Variants in CAMK2D observed in about 807,000 individuals in gnomAD.
CAMK2D encodes calcium/calmodulin-dependent protein kinase type II subunit delta.
Under a neutral mutation model 84.0 loss-of-function variants are expected in CAMK2D, and 37 were observed. The ratio of observed to expected loss-of-function variants is 0.44; its 90% CI spans 0.34 to 0.58. The LOEUF is 0.58. Ranked by LOEUF, CAMK2D falls within the 20% of genes least tolerant of loss-of-function variation. CAMK2D has a pLI of 0.02. For missense variants in CAMK2D, 448 were observed against 652.5 expected (o/e 0.69, Z 3.41); for synonymous variants, 202 against 212.5 (o/e 0.95, Z 0.43).
chr4:113,568,400 T>C (rs1356997268), intron 4 of CAMK2D, among the ~76,000 whole-genome samples: 1 of 152,222 alleles, frequency 6.6e-6, no homozygotes, highest in African/African-American at 2.4e-5. Flanking sequence ...GTGGCATGTG[T>C]CAGAATTTCA....
At chr4:113,563,820 C>T (rs1166438477) in intron 4 of CAMK2D, among the ~76,000 whole-genome samples, 5 of 152,138 alleles carry the variant, frequency 3.3e-5, no homozygotes, top group South Asian at 2.1e-4. Flanking sequence ...TAAACAACTT[C>T]GGCACAGTAT....
chr4:113,477,364 C>T, intron 16 of CAMK2D, among the ~76,000 whole-genome samples: 1 of 152,192 alleles, frequency 6.6e-6, no homozygotes, highest in East Asian at 1.9e-4. Context: ...GGATACCTCA[C>T]ATTGGTACTG....
intron 16 of CAMK2D, among the ~76,000 whole-genome samples, chr4:113,482,739 TTCTAA>T (rs1447942050): frequency 2.6e-5 from 4 of 152,230 alleles, no homozygotes; most frequent in Non-Finnish European, 4.4e-5. Context: ...TTAAATTTTG[TTCTAA>T]TCTAAAGAGA....
At chr4:113,537,471 C>A in intron 6 of CAMK2D, 28 bp from the exon 7 acceptor site, 3 of 1,342,406 alleles carry the variant, frequency 2.2e-6, no homozygotes, top group Non-Finnish European at 3.2e-6. Context: ...AAAAAAGAGA[C>A]TGAAGTGAGA....
intron 3 of CAMK2D, among the ~76,000 whole-genome samples, chr4:113,618,114 A>G (rs2099029443): frequency 6.6e-6 from 1 of 152,180 alleles, no homozygotes; most frequent in South Asian, 2.1e-4. Context: ...AATATGGCTA[A>G]TAAATAGTAT....
intron 2 of CAMK2D, among the ~76,000 whole-genome samples, chr4:113,702,377 T>C (rs2099422335): frequency 6.6e-6 from 1 of 152,144 alleles, no homozygotes; most frequent in African/African-American, 2.4e-5. Context: ...AATGTAAAAG[T>C]CATTCTTAGC....
In CAMK2D at chr4:113,562,696, G is replaced by T. The variant is rs190929093; in HGVS notation, c.276-10600C>A. ...ACAGTTCAGTAAGACAAATGTGCTTGATTTTAATAATCAATTGTTCATTGA... is the reference window on the plus strand; with the variant it reads ...ACAGTTCAGTAAGACAAATGTGCTTTATTTTAATAATCAATTGTTCATTGA... On this transcript the variant is annotated intron_variant, in intron 4 of 20. Coordinates refer to ENST00000511664, the MANE Select transcript of CAMK2D (RefSeq NM_001321571.2). Among the ~76,000 whole-genome samples, 449 of 152,280 alleles carry T rather than the reference G, an allele frequency of 2.9e-3. 1 individual carries two copies. The highest frequency in any genetic ancestry group is 5.3e-3 in the Non-Finnish European group (360 of 67,996).
At chr4:113,487,348 A>G (rs2097775250) in intron 16 of CAMK2D, among the ~76,000 whole-genome samples, 1 of 152,154 alleles carries the variant, frequency 6.6e-6, no homozygotes, top group Non-Finnish European at 1.5e-5. Context: ...GAATCATGAT[A>G]TAGACATATA....
At chr4:113,498,306 C>T (rs746059812) in intron 16 of CAMK2D, among the ~76,000 whole-genome samples, 1 of 152,176 alleles carries the variant, frequency 6.6e-6, no homozygotes, top group Non-Finnish European at 1.5e-5. Flanking sequence ...ACCATTTTAT[C>T]TACCACTTGT....
chr4:113,513,454 C>A (rs2098245259), intron 11 of CAMK2D, 84 bp from the exon 12 acceptor site: 3 of 892,834 alleles, frequency 3.4e-6, no homozygotes, highest in Admixed American at 2.0e-5. Flanking sequence ...GATAACAAAT[C>A]TTTTCCTGGC....
chr4:113,610,991 G>C (rs1334133814), intron 3 of CAMK2D, among the ~76,000 whole-genome samples: 2 of 151,424 alleles, frequency 1.3e-5, no homozygotes, highest in South Asian at 2.1e-4. Flanking sequence ...ACTATAGAAG[G>C]TTTTGGGATG....
At chr4:113,579,102 C>T (rs367613314) in intron 4 of CAMK2D, among the ~76,000 whole-genome samples, 15 of 152,168 alleles carry the variant, frequency 9.9e-5, no homozygotes, top group East Asian at 3.8e-4. Flanking sequence ...TCTCCTAACA[C>T]GGATATAACA....
intron 2 of CAMK2D, among the ~76,000 whole-genome samples, chr4:113,740,277 T>A (rs942719539): frequency 2.0e-5 from 3 of 152,118 alleles, no homozygotes; most frequent in African/African-American, 7.2e-5. Context: ...GCTGATGAAC[T>A]GATAAACAAA....
chr4:113,690,700 G>A (rs1294290170), intron 2 of CAMK2D, among the ~76,000 whole-genome samples: 1 of 152,116 alleles, frequency 6.6e-6, no homozygotes, highest in East Asian at 1.9e-4. Flanking sequence ...TCTTACTAAT[G>A]TTGAACAATT....
At chr4:113,509,502 T>C (rs1190201088) in intron 13 of CAMK2D, 136 bp downstream of exon 13, 1 of 626,850 alleles carries the variant, frequency 1.6e-6, no homozygotes, top group Admixed American at 2.9e-5. Context: ...TTAAATCATT[T>C]CATATTTCAA....
intron 16 of CAMK2D, among the ~76,000 whole-genome samples, chr4:113,489,278 A>AT (rs2097796384): frequency 7.4e-6 from 1 of 134,476 alleles, no homozygotes; most frequent in Non-Finnish European, 1.6e-5. Context: ...TCCCGATGCT[A>AT]TCCCTCCCCC....
chr4:113,565,028 C>T (rs2098715598), intron 4 of CAMK2D, among the ~76,000 whole-genome samples: 1 of 152,128 alleles, frequency 6.6e-6, no homozygotes, highest in South Asian at 2.1e-4. Context: ...GTTGAAACAT[C>T]AAATGAAAGC....
rs1243688265 is a variant in CAMK2D at position 113,761,537 on chromosome 4, G to C, written c.-469C>G. 2 of 1,002,548 alleles carry C rather than the reference G, an allele frequency of 2.0e-6. No individual in the cohort carries two copies. Among genetic ancestry groups the C allele is most frequent in the Non-Finnish European group, 2.4e-6 (2 of 840,476 alleles). The allele number at this position is 1,002,548 out of a possible 1,614,324, so 62.1% of individuals were successfully genotyped here. On this transcript the variant is annotated 5_prime_UTR_variant, in exon 1 of 21. Coordinates refer to ENST00000511664, the MANE Select transcript of CAMK2D (RefSeq NM_001321571.2). Reference sequence around the variant, plus strand: ...TGGAGTGCAGCGGGGCCGAGGCCGCGGAGCCCAGAGCGGACAGCCTGAGCC... The same window carrying C: ...TGGAGTGCAGCGGGGCCGAGGCCGCCGAGCCCAGAGCGGACAGCCTGAGCC...
At chr4:113,650,129 AT>A (rs1348586816) in intron 3 of CAMK2D, among the ~76,000 whole-genome samples, 1 of 152,126 alleles carries the variant, frequency 6.6e-6, no homozygotes. Context: ...GTATAGTTTT[AT>A]TTTTCTTATC....
Sources: gnomAD v4.1 joint callset for allele counts (sites outside exome capture counted in the v4.1 genomes callset) on GRCh38, gnomAD v4.1.1 for gene constraint, MANE v1.5 for transcripts, NCBI Gene and HGNC (gene_info 2026-07-23, HGNC 2026-07-21) for gene names.